COL26A1: variants seen among roughly 807,000 people sequenced by gnomAD.
The protein encoded by COL26A1 is collagen alpha-1(XXVI) chain.
Under a neutral mutation model 59.3 loss-of-function variants are expected in COL26A1, and 41 were observed. The observed-to-expected ratio is 0.69, with a 90% CI of 0.54 to 0.90. The LOEUF is 0.90. Among genes scored for constraint, COL26A1 ranks in the 40% least tolerant of loss-of-function variants. The probability of loss-of-function intolerance (pLI) is 0.00; values close to 1 mark genes in which losing one functional copy is unlikely to be tolerated. For missense variants in COL26A1, 612 were observed against 602.3 expected, an observed-to-expected ratio of 1.02 and a Z score of -0.17; for synonymous variants, 266 against 256.0, an observed-to-expected ratio of 1.04 and a Z score of -0.37.
chr7:101,363,222 TGGGG>T, intron 1 of COL26A1, 32 bp downstream of exon 1: 1 of 356,772 alleles, frequency 2.8e-6, no homozygotes, highest in Non-Finnish European at 4.1e-6. Flanking sequence ...GGCCGGGGGG[TGGGG>T]GGAGGGAGCG....
At chr7:101,383,571 G>C (rs1791497176) in intron 1 of COL26A1, among the ~76,000 whole-genome samples, 1 of 150,856 alleles carries the variant, frequency 6.6e-6, no homozygotes, top group Non-Finnish European at 1.5e-5. Context: ...GTCTCGCTCT[G>C]TTGCCCAGGC....
At chr7:101,521,073 T>A (rs1795133325) in intron 3 of COL26A1, among the ~76,000 whole-genome samples, 1 of 152,126 alleles carries the variant, frequency 6.6e-6, no homozygotes, top group Non-Finnish European at 1.5e-5. Flanking sequence ...AAACTTACAA[T>A]CATGGTGGAA....
At chr7:101,554,567 T>TAAAAAAAAAAAAAA (rs57638079) in intron 11 of COL26A1, among the ~76,000 whole-genome samples, 5 of 120,508 alleles carry the variant, frequency 4.1e-5, no homozygotes, top group Admixed American at 9.5e-5. Context: ...CCCCATTTCT[T>TAAAAAAAAAAAAAA]AAAAAAAAAA....
rs150214751 is a variant in COL26A1 at position 101,404,344 on chromosome 7, C to T, written c.159-15633C>T. Among the ~76,000 whole-genome samples, 765 of 152,256 alleles carry T rather than the reference C, an allele frequency of 5.0e-3. 3 individuals are homozygous for T. Among genetic ancestry groups the T allele is most frequent in the Middle Eastern group, 0.027 (8 of 294 alleles). On this transcript the variant is annotated intron_variant, in intron 1 of 12. Transcript: ENST00000313669. ...TTTACAACGCATCTGAAAGCATCCT[C>T]GCCAAAACAACCTGCTGTCAAAACA...
intron 3 of COL26A1, among the ~76,000 whole-genome samples, chr7:101,496,552 CT>C (rs1794589514): frequency 6.6e-6 from 1 of 152,138 alleles, no homozygotes; most frequent in Non-Finnish European, 1.5e-5. Context: ...TCCTCTTCCT[CT>C]GTGGGGTCTT....
intron 3 of COL26A1, among the ~76,000 whole-genome samples, chr7:101,461,244 G>A (rs1793602745): frequency 6.6e-6 from 1 of 151,932 alleles, no homozygotes; most frequent in African/African-American, 2.4e-5. Flanking sequence ...TCTTGCTTTG[G>A]CCTTCCAAAG....
At chr7:101,366,541 C>G in intron 1 of COL26A1, among the ~76,000 whole-genome samples, 1 of 125,296 alleles carries the variant, frequency 8.0e-6, no homozygotes, top group Non-Finnish European at 1.6e-5. Flanking sequence ...TGCTCTGTCA[C>G]CCAGGCAGGA....
rs559277091 is a variant in COL26A1, at chr7:101,397,273, G to GT, written c.159-22703dup. On this transcript the variant is annotated intron_variant, in intron 1 of 12. Coordinates refer to ENST00000313669, the MANE Select transcript of COL26A1 (RefSeq NM_001278563.3). ...TCTCCTTTTCAGCTGTCTCAGGCCA[G>GT]TAAGTGTCTCAGGATCTGGTGCTTA... Among the ~76,000 whole-genome samples the GT allele has an allele frequency of 6.7e-4, 102 of 152,296 alleles. 1 individual carries two copies. In the South Asian group the frequency reaches 7.1e-3, roughly 11 times the overall value.
chr7:101,378,451 G>A (rs1024001696), intron 1 of COL26A1, among the ~76,000 whole-genome samples: 4 of 152,136 alleles, frequency 2.6e-5, no homozygotes, highest in Admixed American at 6.5e-5. Flanking sequence ...GAACCGGGGA[G>A]GCAGAGGTTG....
intron 1 of COL26A1, among the ~76,000 whole-genome samples, chr7:101,391,700 G>A (rs1236294124): frequency 1.3e-5 from 2 of 152,062 alleles, no homozygotes; most frequent in Non-Finnish European, 2.9e-5. Flanking sequence ...GACTACAGGC[G>A]TGTGCCACCA....
intron 1 of COL26A1, among the ~76,000 whole-genome samples, chr7:101,375,632 G>C (rs1791296955): frequency 6.6e-6 from 1 of 151,464 alleles, no homozygotes; most frequent in Admixed American, 6.6e-5. Flanking sequence ...TTGAGCCCAG[G>C]AGTGTGAGAC....
intron 1 of COL26A1, chr7:101,389,019 G>T: frequency 3.4e-6 from 1 of 297,800 alleles, no homozygotes; most frequent in Non-Finnish European, 6.5e-6. Flanking sequence ...GGGCTTTTTA[G>T]CCTTGAGGTG....
chr7:101,493,979 C>T (rs888459248), intron 3 of COL26A1, among the ~76,000 whole-genome samples: 2 of 151,118 alleles, frequency 1.3e-5, no homozygotes, highest in African/African-American at 2.4e-5. Context: ...TCTTTCCTAA[C>T]GCAAACAGCA....
intron 1 of COL26A1, among the ~76,000 whole-genome samples, chr7:101,384,451 C>T (rs954025793): frequency 6.6e-6 from 1 of 152,002 alleles, no homozygotes; most frequent in Non-Finnish European, 1.5e-5. Context: ...TGATCTTGAA[C>T]TCCTGACCTC....
chr7:101,509,263 G>C (rs1188504063), intron 3 of COL26A1, among the ~76,000 whole-genome samples: 1 of 152,000 alleles, frequency 6.6e-6, no homozygotes, highest in Non-Finnish European at 1.5e-5. Context: ...CGGCCAACAT[G>C]ATGAAACCCA....
At chr7:101,413,240 C>A (rs114643318) in intron 1 of COL26A1, among the ~76,000 whole-genome samples, 201 of 152,170 alleles carry the variant, frequency 1.3e-3, no homozygotes, top group African/African-American at 4.5e-3. Context: ...GACTTGTGGC[C>A]GGGCGCGGTG....
chr7:101,383,320 T>C (rs1402954029), intron 1 of COL26A1, among the ~76,000 whole-genome samples: 2 of 152,038 alleles, frequency 1.3e-5, no homozygotes, highest in African/African-American at 2.4e-5. Context: ...TCTAGGGTTT[T>C]TGGAGGTGGA....
chr7:101,518,355 C>T (rs1563023481), intron 3 of COL26A1, among the ~76,000 whole-genome samples: 1 of 152,198 alleles, frequency 6.6e-6, no homozygotes, highest in African/African-American at 2.4e-5. Context: ...CGCTCCCCAC[C>T]CCACCACAGC....
intron 3 of COL26A1, among the ~76,000 whole-genome samples, chr7:101,453,331 C>T (rs1288905752): frequency 2.0e-5 from 3 of 152,188 alleles, no homozygotes; most frequent in African/African-American, 7.2e-5. Flanking sequence ...AGTGCCACTG[C>T]ACTCCAGCCT....
Sources: gnomAD v4.1 joint callset for allele counts (sites outside exome capture counted in the v4.1 genomes callset) on GRCh38, gnomAD v4.1.1 for gene constraint, MANE v1.5 for transcripts, NCBI Gene and HGNC (gene_info 2026-07-23, HGNC 2026-07-21) for gene names.